The following KCNT2 variants were observed in gnomAD, a reference collection of about 807,000 sequenced individuals.
KCNT2 encodes potassium sodium-activated channel subfamily T member 2.
KCNT2 carries 67 observed loss-of-function variants against 153.8 expected under a neutral mutation model. The ratio of observed to expected loss-of-function variants is 0.44; its 90% CI spans 0.36 to 0.53. The LOEUF (loss-of-function observed/expected upper bound fraction) is 0.53. Ranked by LOEUF, KCNT2 falls within the 20% of genes least tolerant of loss-of-function variation. KCNT2 has a pLI of 0.00. For synonymous variants in KCNT2, 500 were observed against 458.8 expected (o/e 1.09, Z -1.15); for missense variants, 975 against 1,354.8 (o/e 0.72, Z 4.40).
intron 23 of KCNT2, among the ~76,000 whole-genome samples, chr1:196,283,359 C>CG (rs1450101954): frequency 6.6e-6 from 1 of 151,674 alleles, no homozygotes; most frequent in East Asian, 2.0e-4. Flanking sequence ...GCGTGAACCC[C>CG]GGGGGGCAGA....
intron 1 of KCNT2, among the ~76,000 whole-genome samples, chr1:196,549,579 A>G (rs766961009): frequency 5.3e-5 from 8 of 151,832 alleles, no homozygotes; most frequent in Non-Finnish European, 1.0e-4. Flanking sequence ...GACAACCTAG[A>G]ACAATGTTTC....
chr1:196,289,262 C>T (rs1659965430), intron 22 of KCNT2, among the ~76,000 whole-genome samples: 1 of 152,022 alleles, frequency 6.6e-6, no homozygotes, highest in Non-Finnish European at 1.5e-5. Flanking sequence ...TATCACCTTA[C>T]TTAAAACCTG....
chr1:196,451,331 C>CCCAGGTT (rs1441517200), intron 8 of KCNT2, among the ~76,000 whole-genome samples: 1 of 138,070 alleles, frequency 7.2e-6, no homozygotes, highest in African/African-American at 2.6e-5. Context: ...ACCTGTGAAT[C>CCCAGGTT]CCAGGTTCAG....
chr1:196,598,030 C>T (rs534611326), intron 1 of KCNT2, among the ~76,000 whole-genome samples: 1 of 151,922 alleles, frequency 6.6e-6, no homozygotes, highest in Non-Finnish European at 1.5e-5. Flanking sequence ...ATCTTAAAGT[C>T]TTACTGAGAA....
chr1:196,459,099 T>G (rs992378402), intron 8 of KCNT2, among the ~76,000 whole-genome samples: 2 of 151,554 alleles, frequency 1.3e-5, no homozygotes, highest in South Asian at 2.1e-4. Context: ...GATTCTACAT[T>G]TTCTAGGGGA....
At chr1:196,404,729 G>A (rs1271318492) in intron 12 of KCNT2, among the ~76,000 whole-genome samples, 2 of 151,366 alleles carry the variant, frequency 1.3e-5, no homozygotes, top group African/African-American at 4.8e-5. Flanking sequence ...TTTAAAAGTT[G>A]GTCCTCCCTA....
chr1:196,257,669 A>G (rs1354934187), intron 26 of KCNT2: 1 of 976,896 alleles, frequency 1.0e-6, no homozygotes, highest in Non-Finnish European at 1.2e-6. Flanking sequence ...GAACTGAACA[A>G]TTATTGAGAC....
chr1:196,473,691 T>C (rs1678286387), intron 5 of KCNT2, among the ~76,000 whole-genome samples: 1 of 152,150 alleles, frequency 6.6e-6, no homozygotes, highest in African/African-American at 2.4e-5. Flanking sequence ...ATGAGATACA[T>C]CCATAAATTA....
At chr1:196,601,147 T>C (rs186940842) in intron 1 of KCNT2, among the ~76,000 whole-genome samples, 2 of 152,346 alleles carry the variant, frequency 1.3e-5, no homozygotes, top group African/African-American at 4.8e-5. Context: ...ACTGGCCTTT[T>C]AGGCAAGCTG....
At chr1:196,444,893 C>A (rs1675555611) in intron 8 of KCNT2, among the ~76,000 whole-genome samples, 1 of 151,300 alleles carries the variant, frequency 6.6e-6, no homozygotes, top group Non-Finnish European at 1.5e-5. Flanking sequence ...GGCTGAAAAT[C>A]ACTTTAATAC....
At chr1:196,316,558 A>C (rs1423901499) in intron 20 of KCNT2, among the ~76,000 whole-genome samples, 1 of 151,774 alleles carries the variant, frequency 6.6e-6, no homozygotes, top group African/African-American at 2.4e-5. Context: ...GATTGGTTCT[A>C]CACAACCAAG....
intron 13 of KCNT2, among the ~76,000 whole-genome samples, chr1:196,391,290 T>C (rs931496605): frequency 6.6e-6 from 1 of 151,370 alleles, no homozygotes; most frequent in East Asian, 1.9e-4. Context: ...CACTAGCGCA[T>C]AGAACAAGAA....
Position 196,328,798 on chromosome 1 carries a change from G to A in KCNT2, c.2104-1909C>T, listed in dbSNP as rs894948025. On this transcript the variant is annotated intron_variant, in intron 18 of 27. Transcript: ENST00000294725. ...TCTAAAGGTGGTAATCTAGGAAACA[G>A]GAAAATGAATCCAGAAGGAAATTCT... Among the ~76,000 whole-genome samples the A allele has an allele frequency of 1.2e-3, 185 of 151,912 alleles. 1 individual carries two copies. The highest frequency in any genetic ancestry group is 4.3e-3 in the African/African-American group (177 of 41,484).
Position 196,492,912 on chromosome 1 carries a change from C to T in KCNT2, c.96-571G>A, listed in dbSNP as rs528034047. 5.3e-5 allele frequency among the ~76,000 whole-genome samples: 8 copies of T among 152,256 alleles called. No homozygotes were observed. In the South Asian group the frequency reaches 1.7e-3, roughly 32 times the overall value. On this transcript the variant is annotated intron_variant, in intron 1 of 27. Coordinates refer to ENST00000294725, the MANE Select transcript of KCNT2 (RefSeq NM_198503.5). ...TACTTATGGATCAACCAAGAAGTAG[C>T]AGTGGCAAATAGAACTGTTAAGGTT...
At position 196,586,533 on chromosome 1, in the gene KCNT2, G is replaced by A. The variant is rs115363259; in HGVS notation, c.95+21682C>T. ...AGAATTCTTACCTGTATTATTATTC[G>A]TTTCTGTTATCATTAATAAGAGTAC... On this transcript the variant is annotated intron_variant, in intron 1 of 27. Transcript: ENST00000294725. Among the ~76,000 whole-genome samples, 218 of 151,830 alleles carry A rather than the reference G, an allele frequency of 1.4e-3. 1 individual carries two copies. The highest frequency in any genetic ancestry group is 4.8e-3 in the African/African-American group (197 of 41,402).
At chr1:196,447,141 A>G (rs1675753980) in intron 8 of KCNT2, among the ~76,000 whole-genome samples, 1 of 151,454 alleles carries the variant, frequency 6.6e-6, no homozygotes, top group Non-Finnish European at 1.5e-5. Flanking sequence ...TTTGCCTCAA[A>G]TGTATGATAA....
At chr1:196,505,516 G>C (rs9730088) in intron 1 of KCNT2, among the ~76,000 whole-genome samples, 2 of 144,084 alleles carry the variant, frequency 1.4e-5, no homozygotes, top group Non-Finnish European at 3.1e-5. Flanking sequence ...GTCAGGTAGT[G>C]TGATGCCTCC....
intron 1 of KCNT2, among the ~76,000 whole-genome samples, chr1:196,522,457 C>G (rs1653564210): frequency 1.3e-5 from 2 of 152,192 alleles, no homozygotes; most frequent in South Asian, 4.1e-4. Context: ...TTAAACCTTA[C>G]ATTTTTATGC....
chr1:196,524,079 T>G (rs1038770829), intron 1 of KCNT2, among the ~76,000 whole-genome samples: 2 of 146,884 alleles, frequency 1.4e-5, no homozygotes, highest in African/African-American at 5.1e-5. Flanking sequence ...CTGTAACTAA[T>G]CAAATTGTAA....
Sources: gnomAD v4.1 joint callset for allele counts (sites outside exome capture counted in the v4.1 genomes callset) on GRCh38, gnomAD v4.1.1 for gene constraint, MANE v1.5 for transcripts, NCBI Gene and HGNC (gene_info 2026-07-23, HGNC 2026-07-21) for gene names.